MROH1: variants seen among roughly 807,000 people sequenced by gnomAD.
The protein encoded by MROH1 is maestro heat-like repeat-containing protein family member 1.
A neutral mutation model predicts 116.5 loss-of-function variants in MROH1; 117 were observed. That is an observed-to-expected ratio of 1.00 (90% CI 0.86 to 1.17). The LOEUF (loss-of-function observed/expected upper bound fraction) is 1.17. MROH1 is among the 50% of genes most tolerant of loss of function. The pLI, the probability that MROH1 is intolerant of heterozygous loss-of-function variation, is 0.00. For synonymous variants in MROH1, 921 were observed against 583.9 expected, an observed-to-expected ratio of 1.58 and a Z score of -8.32; for missense variants, 1,873 against 1,338.5, an observed-to-expected ratio of 1.40 and a Z score of -6.23.
At chr8:144,157,979 C>G (rs1437651208) in intron 1 of MROH1, among the ~76,000 whole-genome samples, 3 of 117,538 alleles carry the variant, frequency 2.6e-5, no homozygotes, top group Non-Finnish European at 5.3e-5. Context: ...GCCTGGCCAT[C>G]TATTTCTTTC....
In MROH1 at chr8:144,190,255, C is replaced by T. The variant is rs534216494; in HGVS notation, c.563-529C>T. ...TTTAACAGTCACATCTGGCCAGGCG[C>T]GGTGGCTGATGCCTGTAATCTCAGC... On this transcript the variant is annotated intron_variant, in intron 7 of 43. Transcript: ENST00000326134. 1.2e-4 allele frequency among the ~76,000 whole-genome samples: 19 copies of T among 152,328 alleles called. No individual in the cohort carries two copies. In the East Asian group the frequency reaches 2.9e-3, roughly 23 times the overall value.
chr8:144,170,310 A>AT (rs1443728362), intron 4 of MROH1, among the ~76,000 whole-genome samples: 2 of 152,014 alleles, frequency 1.3e-5, no homozygotes, highest in African/African-American at 2.4e-5. Flanking sequence ...TAACCTTTAC[A>AT]TTTTTTTAAC....
Position 144,244,462 on chromosome 8 carries a change from C to T in MROH1, c.2689C>T (p.Leu897=). 1.3e-6 allele frequency: 1 copy of T among 769,324 alleles called. No individual in the cohort carries two copies. Among genetic ancestry groups the T allele is most frequent in the South Asian group, 1.4e-5 (1 of 72,158 alleles). 47.7% of individuals were successfully genotyped at this position (769,324 alleles called of 1,614,324 possible). ...CTTCCAGTCCCTGTATCTGGAGACA[C>T]TGCACGCCCTTGAGGATCTGCTGAC... is the stretch of plus-strand genomic sequence containing the variant. ...GCQKSLYLET[L]HALEDLLTSL... is the part of the protein sequence containing the mutation. Residue 897 remains leucine, a synonymous_variant, in exon 28 of 44, where the codon CTG becomes TTG. Coordinates refer to ENST00000326134, the MANE Select transcript of MROH1 (RefSeq NM_032450.3).
intron 1 of MROH1, among the ~76,000 whole-genome samples, chr8:144,157,199 G>A (rs1258610970): frequency 6.6e-6 from 1 of 151,800 alleles, no homozygotes; most frequent in Non-Finnish European, 1.5e-5. Flanking sequence ...CTTATGATCC[G>A]CCTGCCTCAG....
intron 13 of MROH1, among the ~76,000 whole-genome samples, chr8:144,221,684 CCT>C (rs1412905513): frequency 6.6e-6 from 1 of 152,110 alleles, no homozygotes; most frequent in Non-Finnish European, 1.5e-5. Flanking sequence ...CCACCGTACC[CCT>C]GACAGGGTCT....
chr8:144,149,739 A>G (rs1002909705), intron 1 of MROH1, among the ~76,000 whole-genome samples: 98 of 152,256 alleles, frequency 6.4e-4, no homozygotes, highest in African/African-American at 2.2e-3. Flanking sequence ...TGCAGAGAAC[A>G]TGGACTGCTG....
chr8:144,229,209 T>C (rs1838363466), intron 14 of MROH1, among the ~76,000 whole-genome samples: 1 of 152,160 alleles, frequency 6.6e-6, no homozygotes, highest in South Asian at 2.1e-4. Context: ...TGGAATCAAC[T>C]TCTTCCAAAC....
At chr8:144,234,967 A>G (rs1365714391) in intron 14 of MROH1, among the ~76,000 whole-genome samples, 3 of 133,536 alleles carry the variant, frequency 2.2e-5, no homozygotes, top group Non-Finnish European at 4.6e-5. Flanking sequence ...CTCTCGGCTC[A>G]CTGTGACCTC....
chr8:144,167,252 GGGGTGGAGTGGCCGGTTGTT>G (rs1444971817), intron 3 of MROH1, among the ~76,000 whole-genome samples: 86 of 143,140 alleles, frequency 6.0e-4, no homozygotes, highest in African/African-American at 1.9e-3. Context: ...GCCGGTTGTT[GGGGTGGAGTGGCCGGTTGTT>G]GGGTGGAGTG....
Position 144,163,390 on chromosome 8 carries a change from G to A in MROH1, c.-56-381G>A, listed in dbSNP as rs1370695448. 1.3e-5 allele frequency among the ~76,000 whole-genome samples: 2 copies of A among 152,228 alleles called. No individual in the cohort carries two copies. The highest frequency in any genetic ancestry group is 2.9e-5 in the Non-Finnish European group (2 of 68,050). ...CCATTGTTGCATGCAGTGGCGCATG[G>A]CATGTGATGTGTGAAAGCTGTGGTG... is the stretch of plus-strand genomic sequence containing the variant. On this transcript the variant is annotated intron_variant, in intron 2 of 43. Coordinates refer to ENST00000326134, the MANE Select transcript of MROH1 (RefSeq NM_032450.3). This position sits in a 1 kb window ranked among gnomAD's most constrained non-coding sequence, Gnocchi z 4.4.
intron 1 of MROH1, among the ~76,000 whole-genome samples, chr8:144,157,346 T>G (rs1818407445): frequency 6.6e-6 from 1 of 152,032 alleles, no homozygotes; most frequent in African/African-American, 2.4e-5. Flanking sequence ...CCTCCCAAAG[T>G]GCTGGGATTA....
Position 144,245,211 on chromosome 8 carries a change from G to C in MROH1, c.2822G>C (p.Gly941Ala). 1 of 779,178 alleles carries C rather than the reference G, an allele frequency of 1.3e-6. No homozygotes were observed. The allele number at this position is 779,178 out of a possible 1,614,324, so 48.3% of individuals were successfully genotyped here. Reference sequence around the variant, plus strand: ...GGTCACGAGCGGGCGCGGGCCCTGGGCCTGAGCGCCCTCCTGCTGCGCTAC... The same window carrying C: ...GGTCACGAGCGGGCGCGGGCCCTGGCCCTGAGCGCCCTCCTGCTGCGCTAC... ...PRGHERARALGLSALLLRYFL... is the reference protein window; with the variant it reads ...PRGHERARALALSALLLRYFL... The change falls in exon 29 of 44, where the codon GGC (glycine) becomes GCC (alanine). Residue 941 changes from glycine (G) to alanine (A), a missense_variant. Physicochemically the swap from Gly to Ala is moderately conservative, Grantham distance 60 (BLOSUM62 0). Transcript: ENST00000326134.
At chr8:144,172,736 T>C (rs1451574922) in intron 4 of MROH1, among the ~76,000 whole-genome samples, 1 of 152,124 alleles carries the variant, frequency 6.6e-6, no homozygotes, top group Non-Finnish European at 1.5e-5. Context: ...CAGTTGTCAG[T>C]CAGAAAATCT....
chr8:144,191,662 G>A (rs2131598100), intron 8 of MROH1, 53 bp from the exon 9 acceptor site: 1 of 1,599,248 alleles, frequency 6.3e-7, no homozygotes, highest in South Asian at 1.1e-5. Context: ...CATGCTCTGA[G>A]CAGTCGGTGT....
At chr8:144,171,138 G>A (rs1380506039) in intron 4 of MROH1, among the ~76,000 whole-genome samples, 1 of 152,214 alleles carries the variant, frequency 6.6e-6, no homozygotes, top group Non-Finnish European at 1.5e-5. Flanking sequence ...GATCTGGCAG[G>A]TGGAGGGCTC....
At chr8:144,186,209 C>T (rs1374289166) in intron 7 of MROH1, among the ~76,000 whole-genome samples, 3 of 150,664 alleles carry the variant, frequency 2.0e-5, no homozygotes, top group East Asian at 2.0e-4. Context: ...CAACCTCTTG[C>T]CTCCCAGGCT....
intron 1 of MROH1, chr8:144,148,548 C>T (rs1320921379): frequency 6.6e-6 from 1 of 152,620 alleles, no homozygotes; most frequent in Admixed American, 6.5e-5. Context: ...AGCATACGCC[C>T]GGAGCCTGCA....
chr8:144,244,560 A>C (rs1029364510), intron 28 of MROH1, 21 bp downstream of exon 28: 3 of 723,846 alleles, frequency 4.1e-6, no homozygotes, highest in Non-Finnish European at 7.7e-6. Context: ...GGGAACTGTC[A>C]TGGGGATGGG....
chr8:144,222,468 A>C (rs1272726281), intron 13 of MROH1, among the ~76,000 whole-genome samples: 5 of 152,198 alleles, frequency 3.3e-5, no homozygotes, highest in Non-Finnish European at 7.4e-5. Flanking sequence ...CACACAGCTT[A>C]GGGACAGAGA....
Sources: gnomAD v4.1 joint callset for allele counts (sites outside exome capture counted in the v4.1 genomes callset) on GRCh38, gnomAD v4.1.1 for gene constraint, Gnocchi (gnomAD v3.1) non-coding constraint, MANE v1.5 for transcripts, NCBI Gene and HGNC (gene_info 2026-07-23, HGNC 2026-07-21) for gene names.